The following ITGA4 variants were observed in gnomAD, a reference collection of about 807,000 sequenced individuals.
The protein encoded by ITGA4 is integrin subunit alpha 4.
Under a neutral mutation model 133.6 loss-of-function variants are expected in ITGA4, and 63 were observed. That is an observed-to-expected ratio of 0.47 (90% CI 0.38 to 0.58). ITGA4 has a LOEUF of 0.58. ITGA4 is among the 20% of genes least tolerant of loss of function. The probability of loss-of-function intolerance (pLI) is 0.00; values close to 1 mark genes in which losing one functional copy is unlikely to be tolerated. For missense variants in ITGA4, 1,076 were observed against 1,252.7 expected, an observed-to-expected ratio of 0.86 and a Z score of 2.13; for synonymous variants, 483 against 438.0, an observed-to-expected ratio of 1.10 and a Z score of -1.28.
intron 4 of ITGA4, among the ~76,000 whole-genome samples, chr2:181,475,518 C>T (rs1685655652): frequency 1.3e-5 from 2 of 152,152 alleles, no homozygotes; most frequent in South Asian, 2.1e-4. Context: ...TGAAATCTAG[C>T]TCTTTAACTA....
rs1686615636 is a variant in ITGA4 at position 181,516,817 on chromosome 2, A to T, written c.1922+5042A>T. 1.3e-5 allele frequency among the ~76,000 whole-genome samples: 2 copies of T among 152,094 alleles called. No homozygotes were observed. Among genetic ancestry groups the T allele is most frequent in the South Asian group, 4.1e-4 (2 of 4,824 alleles). On this transcript the variant is annotated intron_variant, in intron 17 of 27. Coordinates refer to ENST00000397033, the MANE Select transcript of ITGA4 (RefSeq NM_000885.6). The surrounding 1 kb of genome is among the most constrained non-coding windows in gnomAD (Gnocchi z 4.0). The stretch of plus-strand genomic sequence containing the variant: ...GTTGGCTAGACAATGAGCAAGGAGC[A>T]ACATCTGCCACCATGCTGTTAATTC...
chr2:181,486,492 C>T (rs1472036011), intron 10 of ITGA4, among the ~76,000 whole-genome samples: 1 of 152,158 alleles, frequency 6.6e-6, no homozygotes, highest in Non-Finnish European at 1.5e-5. Flanking sequence ...TTCCCTATAG[C>T]TATGTTGTGG....
chr2:181,511,817 G>T, intron 17 of ITGA4, 42 bp downstream of exon 17: 1 of 932,508 alleles, frequency 1.1e-6, no homozygotes, highest in Non-Finnish European at 1.7e-6. Context: ...TCATCGAGAG[G>T]GTGTAATGAG....
intron 2 of ITGA4, 81 bp from the exon 3 acceptor site, chr2:181,474,879 A>G: frequency 1.0e-6 from 1 of 953,016 alleles, no homozygotes; most frequent in Non-Finnish European, 1.6e-6. Flanking sequence ...ACAGAAAAAT[A>G]CTGGGGATGA....
chr2:181,535,092 G>GTCTT (rs145789198), intron 27 of ITGA4, among the ~76,000 whole-genome samples, 157 bp downstream of exon 27: 2,287 of 152,052 alleles, frequency 0.015, 66 homozygotes, highest in African/African-American at 0.053. Context: ...CAACACCAAA[G>GTCTT]TCTTTCTAGA....
In ITGA4 at chr2:181,457,555, C is replaced by T. The variant is rs958145518; in HGVS notation, c.-100C>T. 19 of 1,094,748 alleles carry T rather than the reference C, an allele frequency of 1.7e-5. No homozygotes were observed. The highest frequency in any genetic ancestry group is 2.0e-5 in the Non-Finnish European group (15 of 765,610). 67.8% of individuals were successfully genotyped at this position (1,094,748 alleles called of 1,614,324 possible). A position where few individuals can be genotyped will look rare whatever the true frequency, so the allele number is the denominator to read the frequency against. ...CCCGCTGGCGCCGGACACGCTGCGC[C>T]TCATCTCTTGGGGCGTTCTTCCCCG... On this transcript the variant is annotated 5_prime_UTR_variant, in exon 1 of 28. Coordinates refer to ENST00000397033, the MANE Select transcript of ITGA4 (RefSeq NM_000885.6).
chr2:181,525,094 C>T (rs1380864774), intron 20 of ITGA4, 108 bp from the exon 21 acceptor site: 1 of 527,678 alleles, frequency 1.9e-6, no homozygotes, highest in African/African-American at 1.9e-5. Context: ...CCTCAAAAAG[C>T]ATTTAAGCAA....
At chr2:181,532,321 C>A (rs556166554) in intron 25 of ITGA4, among the ~76,000 whole-genome samples, 7 of 152,190 alleles carry the variant, frequency 4.6e-5, no homozygotes, top group Non-Finnish European at 7.4e-5. Flanking sequence ...TGGGAGTAGC[C>A]TTGAATCTGT....
rs1685283808 is a variant in ITGA4 at position 181,461,697 on chromosome 2, C to G, written c.319+3380C>G. Among the ~76,000 whole-genome samples, 3 of 152,050 alleles carry G rather than the reference C, an allele frequency of 2.0e-5. No individual in the cohort carries two copies. The South Asian group carries it at 6.2e-4, about 32-fold the overall frequency. On this transcript the variant is annotated intron_variant, in intron 2 of 27. Coordinates refer to ENST00000397033, the MANE Select transcript of ITGA4 (RefSeq NM_000885.6). ...AAAAGATGGTCTTTATTTGGTTATT[C>G]AAATATGTTTCCAGATCTTTCATTA...
At chr2:181,463,883 C>A (rs1011052274) in intron 2 of ITGA4, among the ~76,000 whole-genome samples, 3 of 152,068 alleles carry the variant, frequency 2.0e-5, no homozygotes, top group African/African-American at 7.2e-5. Flanking sequence ...TCTAAGGATT[C>A]CTACAGTTCG....
chr2:181,466,430 A>AT (rs1491324318), intron 2 of ITGA4, among the ~76,000 whole-genome samples: 3 of 152,068 alleles, frequency 2.0e-5, no homozygotes, highest in African/African-American at 7.2e-5. Context: ...ATTTAAACAC[A>AT]TTTTTTTAAA....
rs374243566 is a variant in ITGA4, at chr2:181,534,380, C to T, written c.2883+10C>T. The stretch of plus-strand genomic sequence containing the variant: ...TGAGAATGTTGCGCATGTAAGATTA[C>T]CCTCTTAACTGCTACATTAAAATTA... On this transcript the variant is annotated intron_variant, in intron 26 of 27. Transcript: ENST00000397033. 27 of 1,374,818 alleles carry T rather than the reference C, an allele frequency of 2.0e-5. No homozygotes were observed. The highest frequency in any genetic ancestry group is 1.4e-4 in the African/African-American group (10 of 69,834). 85.2% of individuals were successfully genotyped at this position (1,374,818 alleles called of 1,614,324 possible).
intron 22 of ITGA4, among the ~76,000 whole-genome samples, chr2:181,528,340 A>C (rs1291493138): frequency 1.3e-5 from 2 of 152,236 alleles, no homozygotes; most frequent in Admixed American, 1.3e-4. Context: ...TTTAAAACCC[A>C]ATGGGAGTTT....
At chr2:181,501,815 A>G (rs1686278842) in intron 15 of ITGA4, among the ~76,000 whole-genome samples, 1 of 152,142 alleles carries the variant, frequency 6.6e-6, no homozygotes, top group Non-Finnish European at 1.5e-5. Context: ...CTGCTTAGCT[A>G]GAGAGACCTA....
chr2:181,475,440 C>A, intron 4 of ITGA4, 152 bp downstream of exon 4: 1 of 658,028 alleles, frequency 1.5e-6, no homozygotes, highest in Non-Finnish European at 2.6e-6. Context: ...TTTCTTTACC[C>A]AATTGCAATA....
At chr2:181,483,145 A>G (rs951509123) in intron 9 of ITGA4, among the ~76,000 whole-genome samples, 7 of 152,194 alleles carry the variant, frequency 4.6e-5, no homozygotes, top group Admixed American at 6.5e-5. Context: ...ATTCATATAT[A>G]TTATGCTCTT....
At chr2:181,526,756 C>T (rs954275302) in intron 21 of ITGA4, among the ~76,000 whole-genome samples, 3 of 138,406 alleles carry the variant, frequency 2.2e-5, no homozygotes, top group African/African-American at 7.9e-5. Context: ...GGTGTAGTGT[C>T]ATGGAAAGCA....
intron 17 of ITGA4, among the ~76,000 whole-genome samples, chr2:181,520,483 G>T (rs184394899): frequency 6.6e-6 from 1 of 152,078 alleles, no homozygotes; most frequent in East Asian, 1.9e-4. Context: ...TATCTAGTTT[G>T]CTTTCTTGAA....
At position 181,494,896 on chromosome 2, in the gene ITGA4, T is replaced by C. The variant is rs1040379224; in HGVS notation, c.1339+84T>C. ...TTTATAGTGAAGTACGTAAAACTGG[T>C]ATGAAAGACTTCATCTTACTGATAA... On this transcript the variant is annotated intron_variant, in intron 12 of 27. Transcript: ENST00000397033. The C allele has an allele frequency of 8.2e-6, 6 of 731,912 alleles. No homozygotes were observed. The East Asian group carries it at 1.5e-4, about 18-fold the overall frequency. The allele number at this position is 731,912 out of a possible 1,614,324, so 45.3% of individuals were successfully genotyped here.
Sources: gnomAD v4.1 joint callset for allele counts (sites outside exome capture counted in the v4.1 genomes callset) on GRCh38, gnomAD v4.1.1 for gene constraint, Gnocchi (gnomAD v3.1) non-coding constraint, MANE v1.5 for transcripts, NCBI Gene and HGNC (gene_info 2026-07-23, HGNC 2026-07-21) for gene names.